Variants in CHD7 observed in about 807,000 individuals in gnomAD.
CHD7 encodes the protein chromodomain helicase DNA binding protein 7, also known as ATP-dependent chromatin remodeler CHD7.
In CHD7, 24 loss-of-function variants were observed where a neutral mutation model predicts 307.3. The ratio of observed to expected loss-of-function variants is 0.08; its 90% CI spans 0.06 to 0.11. CHD7 has a LOEUF of 0.11. Among genes scored for constraint, CHD7 ranks in the 10% least tolerant of loss-of-function variants. The pLI is 1.00. For missense variants in CHD7, 3,106 were observed against 3,727.1 expected (o/e 0.83, Z 4.34); for synonymous variants, 1,363 against 1,349.9 (o/e 1.01, Z -0.21).
intron 1 of CHD7, among the ~76,000 whole-genome samples, chr8:60,715,122 T>TA (rs1257284454): frequency 6.6e-6 from 1 of 152,176 alleles, no homozygotes; most frequent in African/African-American, 2.4e-5. Context: ...TAGCTGATGT[T>TA]AAAAAATGAG....
At chr8:60,758,530 A>T (rs1227749241) in intron 2 of CHD7, among the ~76,000 whole-genome samples, 4 of 152,086 alleles carry the variant, frequency 2.6e-5, no homozygotes, top group Non-Finnish European at 5.9e-5. Flanking sequence ...CAAAATTCTC[A>T]CTTTTGTTTG....
At position 60,865,325 on chromosome 8, in the gene CHD7, C is replaced by A; in HGVS notation, c.8386C>A (p.Leu2796Met). Reference sequence around the variant, plus strand: ...CGATGCGAAGAACCCTGCTGCTGTGCTGCCCCTGATGCTGCCAGGAATGGC... The same window carrying A: ...CGATGCGAAGAACCCTGCTGCTGTGATGCCCCTGATGCTGCCAGGAATGGC... ...GGDAKNPAAV[L>M]PLMLPGMAGL... The change falls in exon 38 of 38, where the codon CTG (leucine) becomes ATG (methionine). Residue 2796 changes from leucine to methionine, a missense_variant. Coordinates refer to ENST00000423902, the MANE Select transcript of CHD7 (RefSeq NM_017780.4). The surrounding 1 kb of genome is among the most constrained non-coding windows in gnomAD (Gnocchi z 4.3). 6.2e-7 allele frequency: 1 copy of A among 1,612,062 alleles called. No individual in the cohort carries two copies. The highest frequency in any genetic ancestry group is 8.5e-7 in the Non-Finnish European group (1 of 1,179,262).
In CHD7 at chr8:60,830,367, C is replaced by T; in HGVS notation, c.3568C>T (p.Leu1190Phe). 6.2e-7 allele frequency: 1 copy of T among 1,613,898 alleles called. No homozygotes were observed. The highest frequency in any genetic ancestry group is 8.5e-7 in the Non-Finnish European group (1 of 1,179,856). The change falls in exon 15 of 38, where the codon CTC (leucine) becomes TTC (phenylalanine). Residue 1190 changes from leucine (L) to phenylalanine (F), a missense_variant. Physicochemically the swap from Leu to Phe is conservative, Grantham distance 22. This residue lies in a region of CHD7 where 232 missense variants were observed against 422.5 expected (regional missense o/e 0.55). Transcript: ENST00000423902. ...AILKPMMLRR[L>F]KEDVEKNLAP... The stretch of plus-strand genomic sequence containing the variant: ...TCTAAAGCCAATGATGTTGAGACGT[C>T]TCAAAGAGGATGTAGAAAAGAACTT...
chr8:60,803,394 CT>C (rs1812399615), intron 6 of CHD7, among the ~76,000 whole-genome samples: 1 of 152,084 alleles, frequency 6.6e-6, no homozygotes, highest in Non-Finnish European at 1.5e-5. Flanking sequence ...GTTTTGCCCA[CT>C]TTAGGGTTTT....
intron 19 of CHD7, among the ~76,000 whole-genome samples, chr8:60,838,496 A>T (rs1398143367): frequency 6.6e-6 from 1 of 152,162 alleles, no homozygotes; most frequent in African/African-American, 2.4e-5. Flanking sequence ...CCTGAGGCTA[A>T]TCGCTCACTT....
At chr8:60,763,447 A>C (rs1042497391) in intron 2 of CHD7, among the ~76,000 whole-genome samples, 1 of 152,072 alleles carries the variant, frequency 6.6e-6, no homozygotes, top group Admixed American at 6.5e-5. Context: ...GTTTTGAATT[A>C]AGACAGTGTG....
intron 13 of CHD7, chr8:60,824,235 T>C: frequency 2.1e-6 from 1 of 475,938 alleles, no homozygotes; most frequent in Non-Finnish European, 3.7e-6. Flanking sequence ...TAGCAGAGTG[T>C]AATCATGATA....
intron 1 of CHD7, among the ~76,000 whole-genome samples, chr8:60,696,781 A>C (rs1806497715): frequency 6.6e-6 from 1 of 151,816 alleles, no homozygotes; most frequent in Non-Finnish European, 1.5e-5. Flanking sequence ...TTTTTTAGGT[A>C]CCATAATTTT....
intron 2 of CHD7, among the ~76,000 whole-genome samples, chr8:60,765,391 T>TG (rs1291607092): frequency 6.6e-6 from 1 of 152,208 alleles, no homozygotes; most frequent in African/African-American, 2.4e-5. Context: ...CTGCTGTCCT[T>TG]CAGCCCCTCA....
At chr8:60,779,024 C>T (rs979944650) in intron 2 of CHD7, among the ~76,000 whole-genome samples, 2 of 152,204 alleles carry the variant, frequency 1.3e-5, no homozygotes, top group African/African-American at 4.8e-5. Context: ...CAAACTTTGA[C>T]CTTGCCTCTG....
chr8:60,680,035 G>A (rs1464629372), intron 1 of CHD7, among the ~76,000 whole-genome samples: 1 of 151,506 alleles, frequency 6.6e-6, no homozygotes, highest in Admixed American at 6.6e-5. Flanking sequence ...TTGTCGAGCT[G>A]GCCGGGCCGC....
chr8:60,790,867 G>A (rs1248991620), intron 3 of CHD7, among the ~76,000 whole-genome samples: 1 of 152,174 alleles, frequency 6.6e-6, no homozygotes, highest in Admixed American at 6.5e-5. Context: ...CATGTGGGTG[G>A]AGTGAGGAGA....
At chr8:60,681,337 G>A (rs1805618648) in intron 1 of CHD7, among the ~76,000 whole-genome samples, 2 of 152,132 alleles carry the variant, frequency 1.3e-5, no homozygotes, top group Non-Finnish European at 1.5e-5. Flanking sequence ...TTTTTGTCTT[G>A]CTGTTGCACA....
At chr8:60,747,977 G>T (rs983792657) in intron 2 of CHD7, among the ~76,000 whole-genome samples, 1 of 152,194 alleles carries the variant, frequency 6.6e-6, no homozygotes, top group African/African-American at 2.4e-5. Context: ...GCTTTAAGAA[G>T]AATCTTACAT....
chr8:60,763,104 T>A lies in CHD7; in HGVS notation c.1666-17896T>A, dbSNP rs530481327. 7.2e-5 allele frequency among the ~76,000 whole-genome samples: 11 copies of A among 152,192 alleles called. 1 individual carries two copies. The South Asian group carries it at 2.3e-3, about 32-fold the overall frequency. The stretch of plus-strand genomic sequence containing the variant: ...CAGTGAGGGGAGCAGGGTGTGGCCA[T>A]ATGTGCCGTGTAAAATTATCTAGTC... On this transcript the variant is annotated intron_variant, in intron 2 of 37. Coordinates refer to ENST00000423902, the MANE Select transcript of CHD7 (RefSeq NM_017780.4).
intron 14 of CHD7, 114 bp from the exon 15 acceptor site, chr8:60,830,208 G>A (rs760173483): frequency 1.3e-5 from 15 of 1,147,658 alleles, no homozygotes; most frequent in Non-Finnish European, 1.6e-5. Flanking sequence ...ACTGGGCTTT[G>A]AAAAATGAAA....
chr8:60,724,152 C>T (rs1586218779), intron 1 of CHD7, among the ~76,000 whole-genome samples: 1 of 152,174 alleles, frequency 6.6e-6, no homozygotes, highest in Non-Finnish European at 1.5e-5. Context: ...GGAGGTAGTT[C>T]GTCGGGGGTT....
chr8:60,849,058 G>A lies in CHD7; in HGVS notation c.5308G>A (p.Asp1770Asn), dbSNP rs762824174. The change falls in exon 25 of 38, where the codon GAT becomes AAT. Residue 1770 changes from aspartate to asparagine, a missense_variant. Transcript: ENST00000423902. Reference protein sequence around the residue: ...ILEGADSSEADVWIPEPFHAE... With the variant: ...ILEGADSSEANVWIPEPFHAE... The stretch of plus-strand genomic sequence containing the variant: ...ATAAATGTTGTCTTTCAGTGAAGCC[G>A]ATGTGTGGATCCCTGAACCTTTCCA... 31 of 1,611,964 alleles carry A rather than the reference G, an allele frequency of 1.9e-5. No individual in the cohort carries two copies. Among genetic ancestry groups the A allele is most frequent in the South Asian group, 9.9e-5 (9 of 91,030 alleles).
At chr8:60,823,579 G>A (rs1804141802) in intron 12 of CHD7, among the ~76,000 whole-genome samples, 1 of 152,114 alleles carries the variant, frequency 6.6e-6, no homozygotes, top group Admixed American at 6.6e-5. Context: ...GACTAGAATG[G>A]GTACGCTTAG....
Sources: allele counts gnomAD v4.1 joint callset (sites outside exome capture counted in the v4.1 genomes callset), GRCh38; gene constraint gnomAD v4.1.1; regional missense constraint gnomAD v4.1.1; non-coding constraint Gnocchi (gnomAD v3.1); transcripts MANE v1.5; gene names NCBI Gene and HGNC (gene_info 2026-07-23, HGNC 2026-07-21).